The following DGKB variants were observed in gnomAD, a reference collection of about 807,000 sequenced individuals.
DGKB encodes the protein diacylglycerol kinase beta.
In DGKB, 67 loss-of-function variants were observed where a neutral mutation model predicts 114.3. The ratio of observed to expected loss-of-function variants is 0.59; its 90% CI spans 0.48 to 0.72. The LOEUF is 0.72. Ranked by LOEUF, DGKB falls within the 30% of genes least tolerant of loss-of-function variation. DGKB has a pLI of 0.00. For synonymous variants in DGKB, 398 were observed against 323.1 expected (o/e 1.23, Z -2.49); for missense variants, 907 against 975.2 (o/e 0.93, Z 0.93).
chr7:14,178,925 A>G (rs1444331932), intron 23 of DGKB, among the ~76,000 whole-genome samples: 1 of 152,164 alleles, frequency 6.6e-6, no homozygotes, highest in East Asian at 1.9e-4. Context: ...CCTGCTCCAG[A>G]CCAATTTAAG....
At chr7:14,783,802 A>G (rs1016455076) in intron 2 of DGKB, among the ~76,000 whole-genome samples, 5 of 152,214 alleles carry the variant, frequency 3.3e-5, no homozygotes, top group Admixed American at 1.3e-4. Flanking sequence ...GATAGATTCA[A>G]TGCTTTCCTG....
intron 21 of DGKB, among the ~76,000 whole-genome samples, chr7:14,377,861 G>A (rs1468812011): frequency 1.3e-5 from 2 of 152,178 alleles, no homozygotes; most frequent in Non-Finnish European, 2.9e-5. Context: ...CACAGCCGTG[G>A]TTTGGGATTG....
intron 25 of DGKB, among the ~76,000 whole-genome samples, chr7:14,155,766 G>A (rs1188825820): frequency 6.6e-6 from 1 of 152,114 alleles, no homozygotes; most frequent in Admixed American, 6.6e-5. Context: ...TTCGTAATGT[G>A]TGTAGTGATG....
chr7:14,408,409 G>A (rs1824305994), intron 21 of DGKB, among the ~76,000 whole-genome samples: 1 of 152,008 alleles, frequency 6.6e-6, no homozygotes, highest in Non-Finnish European at 1.5e-5. Flanking sequence ...TAGCAATATG[G>A]GGAATACAGA....
intron 21 of DGKB, among the ~76,000 whole-genome samples, chr7:14,374,874 A>C (rs750447525): frequency 3.3e-5 from 5 of 152,178 alleles, no homozygotes; most frequent in African/African-American, 9.7e-5. Context: ...AAATGCCTCC[A>C]GATATTGCCG....
At chr7:14,744,992 T>C (rs1201795131) in intron 4 of DGKB, among the ~76,000 whole-genome samples, 1 of 152,158 alleles carries the variant, frequency 6.6e-6, no homozygotes, top group Non-Finnish European at 1.5e-5. Flanking sequence ...TCCTGACATC[T>C]GATAGGAGTA....
In DGKB at chr7:14,950,072, G is replaced by A. The variant is rs377678853; in HGVS notation, c.-188+24624C>T. On this transcript the variant is annotated intron_variant, in intron 1 of 4. Coordinates refer to the DGKB transcript ENST00000437998. ...CATATGTAACAAACCTGCACATTGT[G>A]CACATGTACCCTAGAACTTAAAAGT... is the stretch of plus-strand genomic sequence containing the variant. Among the ~76,000 whole-genome samples the A allele has an allele frequency of 3.3e-5, 5 of 151,508 alleles. No homozygotes were observed. The East Asian group carries it at 7.8e-4, about 24-fold the overall frequency.
intron 20 of DGKB, among the ~76,000 whole-genome samples, chr7:14,521,113 T>C (rs1311807080): frequency 2.6e-5 from 4 of 152,150 alleles, no homozygotes; most frequent in Non-Finnish European, 5.9e-5. Context: ...GTTATTTTTA[T>C]GTTGCTGCCT....
chr7:14,326,574 T>C (rs1335762336), intron 23 of DGKB, among the ~76,000 whole-genome samples: 1 of 152,028 alleles, frequency 6.6e-6, no homozygotes, highest in South Asian at 2.1e-4. Context: ...CAAGAGATAA[T>C]ATGTAGTGGA....
chr7:14,174,920 G>T (rs1253750542), intron 25 of DGKB, among the ~76,000 whole-genome samples: 1 of 152,206 alleles, frequency 6.6e-6, no homozygotes, highest in Non-Finnish European at 1.5e-5. Context: ...CTGGTGAAGG[G>T]AGGAAAAAGA....
At chr7:14,681,896 C>T (rs1180940189) in intron 12 of DGKB, among the ~76,000 whole-genome samples, 1 of 152,050 alleles carries the variant, frequency 6.6e-6, no homozygotes, top group Admixed American at 6.6e-5. Context: ...GCATTTACAT[C>T]AGTCTCTCTT....
intron 21 of DGKB, among the ~76,000 whole-genome samples, chr7:14,364,010 A>G (rs1358904379): frequency 6.6e-6 from 1 of 152,090 alleles, no homozygotes; most frequent in Non-Finnish European, 1.5e-5. Flanking sequence ...AGGCAAATCA[A>G]CAAGTTTCTA....
intron 20 of DGKB, among the ~76,000 whole-genome samples, chr7:14,545,005 A>G (rs1584716486): frequency 1.3e-5 from 2 of 152,108 alleles, no homozygotes; most frequent in African/African-American, 4.8e-5. Context: ...TTTAAAAAAC[A>G]GATTTTAAAC....
rs189107288 is a variant in DGKB, at chr7:14,184,289, C to T, written c.2123-6138G>A. 3.1e-3 allele frequency among the ~76,000 whole-genome samples: 470 copies of T among 152,226 alleles called. 1 individual carries two copies. Among genetic ancestry groups the T allele is most frequent in the African/African-American group, 0.011 (440 of 41,544 alleles). ...ACAATTTGAACGGGGTGGGAAGCCA[C>T]CTGGCTAGAACTCAGGAGAGGGCGC... On this transcript the variant is annotated intron_variant, in intron 23 of 25. Transcript: ENST00000402815.
At position 14,167,646 on chromosome 7, in the gene DGKB, G is replaced by A. The variant is rs1383743964; in HGVS notation, c.2304+9193C>T. 1.3e-5 allele frequency among the ~76,000 whole-genome samples: 2 copies of A among 152,112 alleles called. 1 individual carries two copies. The highest frequency in any genetic ancestry group is 4.1e-4 in the South Asian group (2 of 4,836). On this transcript the variant is annotated intron_variant, in intron 25 of 25. Coordinates refer to ENST00000402815, the MANE Select transcript of DGKB (RefSeq NM_001350709.2). Reference sequence around the variant, plus strand: ...TGATGACTTTGAGAGCTGCATTTGGGGGTATATCATCACCAAGTTTTCAGA... The same window carrying A: ...TGATGACTTTGAGAGCTGCATTTGGAGGTATATCATCACCAAGTTTTCAGA...
chr7:14,893,495 C>T (rs1350957606), intron 1 of DGKB, among the ~76,000 whole-genome samples: 1 of 151,286 alleles, frequency 6.6e-6, no homozygotes, highest in South Asian at 2.1e-4. Context: ...CCTAAAATTA[C>T]CTCCTTTTTC....
At chr7:14,827,474 G>A (rs910113216) in intron 2 of DGKB, among the ~76,000 whole-genome samples, 2 of 151,820 alleles carry the variant, frequency 1.3e-5, no homozygotes, top group East Asian at 3.9e-4. Context: ...CTAACTACAC[G>A]GAGAAATCTC....
chr7:14,273,786 G>C (rs1798602824), intron 23 of DGKB, among the ~76,000 whole-genome samples: 1 of 152,126 alleles, frequency 6.6e-6, no homozygotes. Flanking sequence ...GTAGCTTTAA[G>C]TTCATTCTTT....
intron 23 of DGKB, among the ~76,000 whole-genome samples, chr7:14,241,955 T>TAC (rs1384681163): frequency 1.2e-4 from 9 of 75,242 alleles, no homozygotes; most frequent in African/African-American, 8.4e-4. Context: ...CACACACACA[T>TAC]ATACACACAC....
Sources: allele counts gnomAD v4.1 joint callset (sites outside exome capture counted in the v4.1 genomes callset), GRCh38; gene constraint gnomAD v4.1.1; transcripts MANE v1.5; gene names NCBI Gene and HGNC (gene_info 2026-07-23, HGNC 2026-07-21).